The following RNLS variants were observed in gnomAD, a reference collection of about 807,000 sequenced individuals.
RNLS encodes renalase, FAD dependent amine oxidase.
A neutral mutation model predicts 39.8 loss-of-function variants in RNLS; 39 were observed. That is an observed-to-expected ratio of 0.98 (90% CI 0.76 to 1.28). RNLS has a LOEUF of 1.28. Ranked by LOEUF, RNLS falls within the 50% of genes most tolerant of loss-of-function variation. The pLI, the probability that RNLS is intolerant of heterozygous loss-of-function variation, is 0.00. For synonymous variants in RNLS, 147 were observed against 150.7 expected, an observed-to-expected ratio of 0.98 and a Z score of 0.18; for missense variants, 410 against 413.3, an observed-to-expected ratio of 0.99 and a Z score of 0.07.
Position 88,284,170 on chromosome 10 carries a change from A to T in RNLS, c.*1184T>A. ...TATAATAATATGCTATAGGGTCATA[A>T]AACCCACTTTGCAGCTATAGAAGCA... On this transcript the variant is annotated 3_prime_UTR_variant, in exon 7 of 7. Coordinates refer to ENST00000331772, the MANE Select transcript of RNLS (RefSeq NM_001031709.3). The T allele has an allele frequency of 1.0e-6, 1 of 985,342 alleles. No homozygotes were observed. The highest frequency in any genetic ancestry group is 1.2e-6 in the Non-Finnish European group (1 of 829,888). 61.0% of individuals were successfully genotyped at this position (985,342 alleles called of 1,614,324 possible). A position where few individuals can be genotyped will look rare whatever the true frequency, so the allele number is the denominator to read the frequency against.
intron 4 of RNLS, among the ~76,000 whole-genome samples, chr10:88,568,473 A>G (rs1446876746): frequency 6.6e-6 from 1 of 152,072 alleles, no homozygotes; most frequent in Non-Finnish European, 1.5e-5. Flanking sequence ...GGTGAATTGT[A>G]TGGTATGTGA....
chr10:88,263,964 C>T, the RNLS span, among the ~76,000 whole-genome samples: 2 of 152,180 alleles, frequency 1.3e-5, no homozygotes, highest in East Asian at 3.8e-4. Context: ...TTTTATCCCT[C>T]ACCCACCTCC....
intron 4 of RNLS, among the ~76,000 whole-genome samples, chr10:88,538,642 G>A (rs1847897264): frequency 6.6e-6 from 1 of 151,736 alleles, no homozygotes; most frequent in Non-Finnish European, 1.5e-5. Context: ...AATCTTATGA[G>A]GGCCTAATTA....
intron 1 of RNLS, among the ~76,000 whole-genome samples, chr10:88,582,832 C>T (rs1850690153): frequency 6.6e-6 from 1 of 152,258 alleles, no homozygotes; most frequent in Non-Finnish European, 1.5e-5. Flanking sequence ...GCGGGGTACT[C>T]CTGCCGGGCC....
At chr10:88,308,243 A>G (rs969771097) in intron 6 of RNLS, among the ~76,000 whole-genome samples, 3 of 152,092 alleles carry the variant, frequency 2.0e-5, no homozygotes, top group Admixed American at 1.3e-4. Flanking sequence ...AAAGATGCCA[A>G]AAGCAATTGC....
At chr10:88,397,956 C>G (rs978748498) in intron 4 of RNLS, among the ~76,000 whole-genome samples, 7 of 151,966 alleles carry the variant, frequency 4.6e-5, no homozygotes, top group Non-Finnish European at 1.0e-4. Context: ...TTGATTTTGA[C>G]TGGGGACCAA....
chr10:88,533,976 A>G (rs1186618365), intron 4 of RNLS, among the ~76,000 whole-genome samples: 4 of 152,098 alleles, frequency 2.6e-5, no homozygotes, highest in African/African-American at 9.7e-5. Context: ...AATTGCCTAT[A>G]TTTTAGGAGG....
At chr10:88,410,443 C>T (rs1022672186) in intron 4 of RNLS, among the ~76,000 whole-genome samples, 6 of 152,078 alleles carry the variant, frequency 3.9e-5, no homozygotes, top group African/African-American at 1.4e-4. Flanking sequence ...TCAGTATACT[C>T]TCTTGACATT....
intron 4 of RNLS, among the ~76,000 whole-genome samples, chr10:88,400,029 A>G (rs543479649): frequency 1.3e-5 from 2 of 152,040 alleles, no homozygotes; most frequent in East Asian, 1.9e-4. Context: ...TTGCCTCCTC[A>G]GTGTTTCTGT....
In RNLS at chr10:88,583,204, A is replaced by G; in HGVS notation, c.-14T>C. Reference sequence around the variant, plus strand: ...CACCTGCGCCATGGCGAGAGGGAGCAGCGATCCGCGCTGAGTCTCTGCGGC... The same window carrying G: ...CACCTGCGCCATGGCGAGAGGGAGCGGCGATCCGCGCTGAGTCTCTGCGGC... On this transcript the variant is annotated 5_prime_UTR_variant, in exon 1 of 7. Coordinates refer to ENST00000331772, the MANE Select transcript of RNLS (RefSeq NM_001031709.3). 6.2e-7 allele frequency: 1 copy of G among 1,613,516 alleles called. No homozygotes were observed.
chr10:88,186,799 T>G, the RNLS span, among the ~76,000 whole-genome samples: 1 of 152,064 alleles, frequency 6.6e-6, no homozygotes, highest in East Asian at 1.9e-4. Flanking sequence ...GCCCGAAATA[T>G]TCCCACACCC....
intron 4 of RNLS, among the ~76,000 whole-genome samples, chr10:88,524,255 A>G (rs1037671932): frequency 2.9e-4 from 44 of 152,116 alleles, no homozygotes; most frequent in Non-Finnish European, 1.5e-5. Flanking sequence ...GGCGCCTTCC[A>G]ACCTCAATTG....
chr10:88,442,902 T>C (rs150505609), intron 4 of RNLS, among the ~76,000 whole-genome samples: 7 of 152,342 alleles, frequency 4.6e-5, no homozygotes, highest in African/African-American at 1.7e-4. Context: ...TGCTATTTCA[T>C]GTCCCTTGGG....
At chr10:88,484,003 C>T (rs142710875) in intron 4 of RNLS, among the ~76,000 whole-genome samples, 7 of 152,112 alleles carry the variant, frequency 4.6e-5, no homozygotes, top group African/African-American at 1.7e-4. Context: ...ACTGAAGATG[C>T]TCTTGTGAAT....
the RNLS span, among the ~76,000 whole-genome samples, chr10:88,234,304 C>G: frequency 1.3e-5 from 2 of 152,156 alleles, no homozygotes; most frequent in East Asian, 1.9e-4. Context: ...CATTGAGACT[C>G]TCATGCTTGG....
Position 88,582,226 on chromosome 10 carries a change from G to C in RNLS, c.200C>G (p.Pro67Arg). The C allele has an allele frequency of 6.2e-7, 1 of 1,613,590 alleles. No individual in the cohort carries two copies. The highest frequency in any genetic ancestry group is 8.5e-7 in the Non-Finnish European group (1 of 1,179,798). ...CCGTTGGTGTTTTTTGGCATAATGA[G>C]GAGTGCAGGTGATGTACTGAGCACC... ...DLGAQYITCT[P>R]HYAKKHQRFY... is the part of the protein sequence containing the mutation. Residue 67 changes from proline to arginine, a missense_variant, in exon 2 of 7, where the codon CCT (proline) becomes CGT (arginine). By Grantham distance (103) the Pro-to-Arg change is moderately radical. Coordinates refer to ENST00000331772, the MANE Select transcript of RNLS (RefSeq NM_001031709.3).
In RNLS at chr10:88,320,370, A is replaced by G. The variant is rs137995169; in HGVS notation, c.701-5729T>C. Reference sequence around the variant, plus strand: ...CATAAGGCCAAAGTACACGGATCCTATAAAGCAATTACACAATTGAGAATA... The same window carrying G: ...CATAAGGCCAAAGTACACGGATCCTGTAAAGCAATTACACAATTGAGAATA... On this transcript the variant is annotated intron_variant, in intron 5 of 6. Coordinates refer to ENST00000331772, the MANE Select transcript of RNLS (RefSeq NM_001031709.3). 3.8e-4 allele frequency among the ~76,000 whole-genome samples: 58 copies of G among 151,912 alleles called. No individual in the cohort carries two copies. In the East Asian group the frequency reaches 8.3e-3, roughly 22 times the overall value.
intron 4 of RNLS, among the ~76,000 whole-genome samples, chr10:88,532,988 G>C (rs1344149251): frequency 6.6e-6 from 1 of 152,002 alleles, no homozygotes; most frequent in Non-Finnish European, 1.5e-5. Flanking sequence ...TGTTGGTGCT[G>C]CAAAAGTCAA....
chr10:88,572,664 G>A (rs1413607948), intron 4 of RNLS, among the ~76,000 whole-genome samples: 3 of 152,136 alleles, frequency 2.0e-5, no homozygotes, highest in Admixed American at 6.6e-5. Context: ...AAATACTGAC[G>A]TGTTGAAGAC....
Sources: allele counts gnomAD v4.1 joint callset (sites outside exome capture counted in the v4.1 genomes callset), GRCh38; gene constraint gnomAD v4.1.1; transcripts MANE v1.5; gene names NCBI Gene and HGNC (gene_info 2026-07-23, HGNC 2026-07-21).